The following NRXN1 variants were observed in gnomAD, a reference collection of about 807,000 sequenced individuals.
The protein encoded by NRXN1 is neurexin 1.
NRXN1 carries 39 observed loss-of-function variants against 150.9 expected under a neutral mutation model. The ratio of observed to expected loss-of-function variants is 0.26; its 90% CI spans 0.20 to 0.34. The LOEUF (loss-of-function observed/expected upper bound fraction) is 0.34. Ranked by LOEUF, NRXN1 falls within the 10% of genes least tolerant of loss-of-function variation. The probability of loss-of-function intolerance (pLI) is 1.00; values close to 1 mark genes in which losing one functional copy is unlikely to be tolerated. For missense variants in NRXN1, 1,815 were observed against 1,949.9 expected, an observed-to-expected ratio of 0.93 and a Z score of 1.30; for synonymous variants, 924 against 757.0, an observed-to-expected ratio of 1.22 and a Z score of -3.62.
intron 17 of NRXN1, among the ~76,000 whole-genome samples, chr2:50,450,901 A>G (rs1173849733): frequency 6.6e-6 from 1 of 152,170 alleles, no homozygotes; most frequent in Non-Finnish European, 1.5e-5. Flanking sequence ...TCACTAGCAA[A>G]TATCTTTTTT....
chr2:50,937,198 A>G (rs1272842191), intron 2 of NRXN1, among the ~76,000 whole-genome samples: 1 of 152,176 alleles, frequency 6.6e-6, no homozygotes, highest in African/African-American at 2.4e-5. Context: ...TATGGCTAAT[A>G]CGTATTTAAT....
intron 22 of NRXN1, among the ~76,000 whole-genome samples, chr2:49,924,597 G>T (rs1668770057): frequency 1.3e-5 from 2 of 152,134 alleles, no homozygotes; most frequent in African/African-American, 4.8e-5. Flanking sequence ...CTTCAACTGT[G>T]CCATATGCAT....
At chr2:50,044,195 G>T (rs1470524706) in intron 21 of NRXN1, among the ~76,000 whole-genome samples, 2 of 152,056 alleles carry the variant, frequency 1.3e-5, no homozygotes, top group African/African-American at 4.8e-5. Context: ...AAACATTGAG[G>T]TTCACAATTA....
At chr2:50,598,969 A>T (rs144755244) in intron 8 of NRXN1, among the ~76,000 whole-genome samples, 3,095 of 151,786 alleles carry the variant, frequency 0.02, 97 homozygotes, top group East Asian at 0.13. Context: ...ACAGGGTTTC[A>T]CCATGTTGGC....
At chr2:50,871,289 C>T (rs1677745193) in intron 5 of NRXN1, among the ~76,000 whole-genome samples, 3 of 151,700 alleles carry the variant, frequency 2.0e-5, no homozygotes, top group African/African-American at 7.3e-5. Flanking sequence ...TGTCCTATTC[C>T]TGTATGACAT....
chr2:50,743,058 C>G (rs1025832069), intron 5 of NRXN1, among the ~76,000 whole-genome samples: 1 of 152,128 alleles, frequency 6.6e-6, no homozygotes, highest in Non-Finnish European at 1.5e-5. Context: ...TCCAAAATAA[C>G]ACTGACATTT....
chr2:50,495,900 C>T lies in NRXN1; in HGVS notation c.3070+5G>A. ...GCTCGTTGCTCTGACTTAACATGCA[C>T]TTACTCTTGAGGTCTAAGTTCCTGG... On this transcript the variant is annotated splice_donor_5th_base_variant and intron_variant, in intron 15 of 22. Coordinates refer to ENST00000401669, the MANE Select transcript of NRXN1 (RefSeq NM_001330078.2). The T allele has an allele frequency of 6.3e-7, 1 of 1,585,670 alleles. No individual in the cohort carries two copies. Among genetic ancestry groups the T allele is most frequent in the Non-Finnish European group, 8.6e-7 (1 of 1,165,276 alleles).
intron 17 of NRXN1, among the ~76,000 whole-genome samples, chr2:50,413,990 C>T (rs2104131932): frequency 7.4e-6 from 1 of 134,498 alleles, no homozygotes; most frequent in East Asian, 2.2e-4. Context: ...AACAATTGAA[C>T]TCATGGACAT....
intron 18 of NRXN1, among the ~76,000 whole-genome samples, chr2:50,173,645 T>A (rs1215301460): frequency 6.6e-6 from 1 of 152,220 alleles, no homozygotes; most frequent in Non-Finnish European, 1.5e-5. Flanking sequence ...GAGCCCATTT[T>A]TATGTTAGCA....
intron 8 of NRXN1, among the ~76,000 whole-genome samples, chr2:50,571,049 T>C (rs1670591950): frequency 6.6e-6 from 1 of 152,102 alleles, no homozygotes; most frequent in African/African-American, 2.4e-5. Context: ...CAGGTCTAAG[T>C]TTAAATCCCA....
chr2:50,401,533 T>C lies in NRXN1; in HGVS notation c.3364+63909A>G, dbSNP rs2082392476. Among the ~76,000 whole-genome samples, 5 of 152,140 alleles carry C rather than the reference T, an allele frequency of 3.3e-5. No homozygotes were observed. In the South Asian group the frequency reaches 1.0e-3, roughly 32 times the overall value. On this transcript the variant is annotated intron_variant, in intron 17 of 22. Coordinates refer to ENST00000401669, the MANE Select transcript of NRXN1 (RefSeq NM_001330078.2). Reference sequence around the variant, plus strand: ...AAGATTCCTTCTAGATTTGATTCCCTTCCAAAGTATGACTAGGGGTACCCT... The same window carrying C: ...AAGATTCCTTCTAGATTTGATTCCCCTCCAAAGTATGACTAGGGGTACCCT...
At chr2:50,517,790 A>T (rs10200253) in intron 12 of NRXN1, among the ~76,000 whole-genome samples, 49,106 of 151,998 alleles carry the variant, frequency 0.32, 8,963 homozygotes, top group Middle Eastern at 0.51. Context: ...ATTATAAAAA[A>T]ACACAGATCT....
chr2:50,975,848 G>A (rs1327943394), intron 2 of NRXN1, among the ~76,000 whole-genome samples: 2 of 152,070 alleles, frequency 1.3e-5, no homozygotes, highest in African/African-American at 4.8e-5. Context: ...GCTAACCCAA[G>A]AGCAGTCGAG....
At chr2:49,934,769 C>T (rs1041121416) in intron 22 of NRXN1, among the ~76,000 whole-genome samples, 1 of 152,084 alleles carries the variant, frequency 6.6e-6, no homozygotes, top group Non-Finnish European at 1.5e-5. Context: ...TTTCTTCTCT[C>T]GAAAGCACTC....
intron 17 of NRXN1, among the ~76,000 whole-genome samples, chr2:50,342,712 T>C (rs1182851435): frequency 1.3e-5 from 2 of 152,238 alleles, no homozygotes; most frequent in Non-Finnish European, 2.9e-5. Context: ...ATGTATCTTG[T>C]AATTATTTCT....
In NRXN1 at chr2:50,053,552, T is replaced by C. The variant is rs754289531; in HGVS notation, c.3847A>G (p.Ile1283Val). The C allele has an allele frequency of 6.2e-6, 10 of 1,614,018 alleles. No individual in the cohort carries two copies. The highest frequency in any genetic ancestry group is 1.1e-5 in the South Asian group (1 of 91,090). Reference sequence around the variant, plus strand: ...TGGCCCTGCTCTTTCCCGCCAATTATTATGGTTGCTTGGCTATTGAAGATT... The same window carrying C: ...TGGCCCTGCTCTTTCCCGCCAATTACTATGGTTGCTTGGCTATTGAAGATT... ...LTIFNSQATIIIGGKEQGQPF... is the reference protein window; with the variant it reads ...LTIFNSQATIVIGGKEQGQPF... The change falls in exon 21 of 23, where the codon ATA (isoleucine) becomes GTA (valine). Residue 1283 changes from isoleucine to valine, a missense_variant. Transcript: ENST00000401669.
intron 5 of NRXN1, among the ~76,000 whole-genome samples, chr2:50,746,166 T>C (rs1699998983): frequency 6.6e-6 from 1 of 152,106 alleles, no homozygotes; most frequent in Non-Finnish European, 1.5e-5. Flanking sequence ...CTAAAGTTGT[T>C]GTACATTATT....
intron 17 of NRXN1, among the ~76,000 whole-genome samples, chr2:50,460,648 A>G (rs529814394): frequency 2.0e-5 from 3 of 152,132 alleles, no homozygotes; most frequent in South Asian, 4.1e-4. Context: ...TCTATGACAT[A>G]TTACATTTCT....
rs1575065350 is a variant in NRXN1 at position 50,962,072 on chromosome 2, C to T, written c.773-36117G>A. On this transcript the variant is annotated intron_variant, in intron 2 of 22. Coordinates refer to ENST00000401669, the MANE Select transcript of NRXN1 (RefSeq NM_001330078.2). ...TTTTACCTTAAAATAACTTTTGCAC[C>T]AATGAATGATTCTGAGACTGCTGCT... 9.5e-5 allele frequency among the ~76,000 whole-genome samples: 14 copies of T among 147,190 alleles called. No individual in the cohort carries two copies. In the South Asian group the frequency reaches 3.0e-3, roughly 31 times the overall value.
Sources: allele counts gnomAD v4.1 joint callset (sites outside exome capture counted in the v4.1 genomes callset), GRCh38; gene constraint gnomAD v4.1.1; transcripts MANE v1.5; gene names NCBI Gene and HGNC (gene_info 2026-07-23, HGNC 2026-07-21).